The following SECISBP2L variants were observed in gnomAD, a reference collection of about 807,000 sequenced individuals.
SECISBP2L encodes selenocysteine insertion sequence-binding protein 2-like.
In SECISBP2L, 43 loss-of-function variants were observed where a neutral mutation model predicts 114.7. The observed-to-expected ratio is 0.38, with a 90% CI of 0.29 to 0.48. SECISBP2L has a LOEUF of 0.48. Ranked by LOEUF, SECISBP2L falls within the 20% of genes least tolerant of loss-of-function variation. The pLI, the probability that SECISBP2L is intolerant of heterozygous loss-of-function variation, is 0.98. For synonymous variants in SECISBP2L, 451 were observed against 439.7 expected (o/e 1.03, Z -0.32); for missense variants, 1,136 against 1,301.1 (o/e 0.87, Z 1.95).
rs138517587 is a variant in SECISBP2L, at chr15:49,009,257, T to C, written c.1986A>G (p.Ala662=). ...TGTGGATTTTGGTTATTGTTGAAGA[T>C]GCCATTGGACTGCCTATTCCAGAAC... is the stretch of plus-strand genomic sequence containing the variant. The part of the protein sequence containing the change: ...PASSGIGSPM[A]SSTITKIHSK... The change falls in exon 14 of 18, where the codon GCA becomes GCG. Residue 662 remains alanine, a synonymous_variant. Coordinates refer to ENST00000559471, the MANE Select transcript of SECISBP2L (RefSeq NM_001193489.2). 2.5e-6 allele frequency: 4 copies of C among 1,614,156 alleles called. No homozygotes were observed. The highest frequency in any genetic ancestry group is 2.5e-6 in the Non-Finnish European group (3 of 1,180,014).
At chr15:49,004,520 G>T (rs1175435702) in intron 14 of SECISBP2L, among the ~76,000 whole-genome samples, 1 of 152,150 alleles carries the variant, frequency 6.6e-6, no homozygotes, top group African/African-American at 2.4e-5. Context: ...TAATTGTGAT[G>T]TAAGAGTGTT....
chr15:49,007,504 G>A (rs1312337863), intron 14 of SECISBP2L, among the ~76,000 whole-genome samples: 1 of 152,226 alleles, frequency 6.6e-6, no homozygotes, highest in Non-Finnish European at 1.5e-5. Flanking sequence ...CAGAGAGGAG[G>A]AATCTAAAGA....
Position 49,028,546 on chromosome 15 carries a change from G to T in SECISBP2L, c.801C>A (p.Asp267Glu), listed in dbSNP as rs945269222. 5.0e-6 allele frequency: 8 copies of T among 1,614,126 alleles called. No individual in the cohort carries two copies. Among genetic ancestry groups the T allele is most frequent in the Non-Finnish European group, 6.8e-6 (8 of 1,180,014 alleles). ...TGCAGTAACCACTATCACTGTCAAT[G>T]TCGGCTTCACTAGCCCCCTGCTCAC... Reference protein sequence around the residue: ...SSSEQGASEADIDSDSGYCSP... With the variant: ...SSSEQGASEAEIDSDSGYCSP... The change falls in exon 5 of 18, where the codon GAC (aspartate) becomes GAA (glutamate). Residue 267 changes from aspartate (D) to glutamate (E), a missense_variant. Around this residue, in one of 2 missense-constraint regions of SECISBP2L, gnomAD observed 452 missense variants for 452.3 expected, o/e 1.00. Coordinates refer to ENST00000559471, the MANE Select transcript of SECISBP2L (RefSeq NM_001193489.2).
In SECISBP2L at chr15:49,011,857, A is replaced by C; in HGVS notation, c.1738T>G (p.Leu580Val). Residue 580 changes from leucine (L) to valine (V), a missense_variant, in exon 13 of 18, where the codon TTA becomes GTA. By Grantham distance (32) the Leu-to-Val change is conservative (BLOSUM62 1). Transcript: ENST00000559471. Reference protein sequence around the residue: ...KRPTALKKVILKEREEKKGRL... With the variant: ...KRPTALKKVIVKEREEKKGRL... Reference sequence around the variant, plus strand: ...CCCTTCTTTTCCTCTCTTTCTTTTAAAATAACCTAAAAGTCATTACACTAG... The same window carrying C: ...CCCTTCTTTTCCTCTCTTTCTTTTACAATAACCTAAAAGTCATTACACTAG... The C allele has an allele frequency of 4.3e-6, 7 of 1,613,968 alleles. No individual in the cohort carries two copies. Among genetic ancestry groups the C allele is most frequent in the Non-Finnish European group, 5.9e-6 (7 of 1,179,896 alleles).
chr15:49,044,720 A>T (rs1903208222), intron 1 of SECISBP2L, among the ~76,000 whole-genome samples: 2 of 152,180 alleles, frequency 1.3e-5, no homozygotes, highest in South Asian at 4.1e-4. Context: ...TGGAAAGGGG[A>T]AAAGGCTCTC....
chr15:48,992,511 G>A lies in SECISBP2L; in HGVS notation c.3039C>T (p.Leu1013=). The A allele has an allele frequency of 1.9e-6, 3 of 1,614,138 alleles. No homozygotes were observed. The highest frequency in any genetic ancestry group is 2.5e-6 in the Non-Finnish European group (3 of 1,180,030). The change falls in exon 18 of 18, where the codon CTC becomes CTT. Residue 1013 remains leucine, a synonymous_variant. Coordinates refer to ENST00000559471, the MANE Select transcript of SECISBP2L (RefSeq NM_001193489.2). ...THEPISVEVQ[L]NSRIESWVSE... is the part of the protein sequence containing the mutation. ...AGACCCAAGACTCAATTCTACTATT[G>A]AGCTGCACTTCTACAGATATGGGTT...
intron 7 of SECISBP2L, 38 bp downstream of exon 7, chr15:49,027,327 C>T (rs1190841413): frequency 6.9e-7 from 1 of 1,447,946 alleles, no homozygotes; most frequent in Non-Finnish European, 9.7e-7. Flanking sequence ...TGACTCATCT[C>T]ATACCTAATC....
chr15:49,023,596 A>G (rs755503024), intron 7 of SECISBP2L, among the ~76,000 whole-genome samples: 4 of 152,262 alleles, frequency 2.6e-5, no homozygotes, highest in Admixed American at 6.5e-5. Context: ...CAGCATGTCT[A>G]TAACAGCAAC....
intron 6 of SECISBP2L, 144 bp downstream of exon 6, chr15:49,028,000 A>C (rs1417695241): frequency 1.3e-6 from 1 of 753,730 alleles, no homozygotes; most frequent in African/African-American, 1.8e-5. Flanking sequence ...GCTGATCAGC[A>C]AAACTGTACT....
intron 17 of SECISBP2L, among the ~76,000 whole-genome samples, chr15:48,994,939 T>G (rs928027160): frequency 6.6e-6 from 1 of 152,120 alleles, no homozygotes; most frequent in African/African-American, 2.4e-5. Context: ...TTAAAAATTT[T>G]AGATGCACAT....
chr15:49,018,759 A>G (rs1049191131), intron 8 of SECISBP2L, among the ~76,000 whole-genome samples: 1 of 151,506 alleles, frequency 6.6e-6, no homozygotes, highest in East Asian at 1.9e-4. Flanking sequence ...AATGTTACCT[A>G]CCCTGCCACA....
chr15:49,001,459 C>CTTTTTTTTTTTTTTTTTT (rs35210250), intron 14 of SECISBP2L, among the ~76,000 whole-genome samples: 2 of 144,512 alleles, frequency 1.4e-5, no homozygotes, highest in Non-Finnish European at 1.5e-5. Context: ...ACATCGTATT[C>CTTTTTTTTTTTTTTTTTT]TTTTTTTTTT....
chr15:49,019,969 A>C (rs1902609115), intron 7 of SECISBP2L, among the ~76,000 whole-genome samples: 1 of 152,226 alleles, frequency 6.6e-6, no homozygotes, highest in Non-Finnish European at 1.5e-5. Context: ...GAAAAAGGCC[A>C]ATCCCAAAAA....
At chr15:49,012,562 C>T (rs1902457072) in intron 12 of SECISBP2L, 86 bp downstream of exon 12, 1 of 1,391,170 alleles carries the variant, frequency 7.2e-7, no homozygotes, top group Non-Finnish European at 1.0e-6. Context: ...AATCTGTTGG[C>T]TAAGACACCA....
intron 7 of SECISBP2L, among the ~76,000 whole-genome samples, chr15:49,025,083 C>T (rs1902714061): frequency 6.6e-6 from 1 of 152,036 alleles, no homozygotes; most frequent in South Asian, 2.1e-4. Flanking sequence ...AATTTCAGCC[C>T]GTATGTAAAT....
rs941196940 is a variant in SECISBP2L at position 49,037,437 on chromosome 15, T to C, written c.203+154A>G. ...TTAGAAAAAATGAGAAACTAATCCATATCAACAATTTCCAAATTTCAGTAT... is the reference window on the plus strand; with the variant it reads ...TTAGAAAAAATGAGAAACTAATCCACATCAACAATTTCCAAATTTCAGTAT... On this transcript the variant is annotated intron_variant, in intron 2 of 17. Transcript: ENST00000559471. 1.3e-5 allele frequency: 8 copies of C among 626,596 alleles called. No individual in the cohort carries two copies. The African/African-American group carries it at 1.3e-4, about 10-fold the overall frequency. The allele number at this position is 626,596 out of a possible 1,614,324, so 38.8% of individuals were successfully genotyped here.
chr15:49,040,692 C>G (rs1001525951), intron 1 of SECISBP2L, among the ~76,000 whole-genome samples: 1 of 150,960 alleles, frequency 6.6e-6, no homozygotes, highest in African/African-American at 2.4e-5. Context: ...CCCACCATCA[C>G]GCCCGGCTAA....
In SECISBP2L at chr15:49,009,251, T is replaced by A; in HGVS notation, c.1992A>T (p.Ser664=). Reference sequence around the variant, plus strand: ...TTTTGCTGTGGATTTTGGTTATTGTTGAAGATGCCATTGGACTGCCTATTC... The same window carrying A: ...TTTTGCTGTGGATTTTGGTTATTGTAGAAGATGCCATTGGACTGCCTATTC... ...SSGIGSPMAS[S]TITKIHSKRF... The change falls in exon 14 of 18, where the codon TCA becomes TCT. Residue 664 remains serine (S), a synonymous_variant. Coordinates refer to ENST00000559471, the MANE Select transcript of SECISBP2L (RefSeq NM_001193489.2). 1 of 1,614,140 alleles carries A rather than the reference T, an allele frequency of 6.2e-7. No individual in the cohort carries two copies. Among genetic ancestry groups the A allele is most frequent in the Admixed American group, 1.7e-5 (1 of 60,022 alleles).
chr15:49,019,606 C>A, intron 7 of SECISBP2L, 54 bp from the exon 8 acceptor site: 1 of 1,348,696 alleles, frequency 7.4e-7, no homozygotes, highest in Non-Finnish European at 9.5e-7. Context: ...ATAAATGTTT[C>A]ACTCAAATAT....
Sources: gnomAD v4.1 joint callset for allele counts (sites outside exome capture counted in the v4.1 genomes callset) on GRCh38, gnomAD v4.1.1 for gene constraint, gnomAD v4.1.1 regional missense constraint, MANE v1.5 for transcripts, NCBI Gene and HGNC (gene_info 2026-07-23, HGNC 2026-07-21) for gene names.